Variants in DRC8 observed in about 807,000 individuals in gnomAD.
DRC8 encodes dynein regulatory complex subunit 8.
At chr1:245,035,099 G>T in the DRC8 span, among the ~76,000 whole-genome samples, 1 of 151,852 alleles carries the variant, frequency 6.6e-6, no homozygotes, top group African/African-American at 2.4e-5. Context: ...TATGTATATA[G>T]ATTGGAAGAG....
chr1:245,033,508 A>T, the DRC8 span, among the ~76,000 whole-genome samples: 1 of 152,164 alleles, frequency 6.6e-6, no homozygotes, highest in Non-Finnish European at 1.5e-5. Flanking sequence ...AGGCCCTATG[A>T]TTATCTTTCT....
chr1:245,039,464 C>T, the DRC8 span, among the ~76,000 whole-genome samples: 5 of 143,794 alleles, frequency 3.5e-5, no homozygotes, highest in Admixed American at 7.0e-5. Context: ...CAGAGTGAGA[C>T]GCTGCCTCTT....
At chr1:245,114,081 G>T in the DRC8 span, among the ~76,000 whole-genome samples, 1 of 152,230 alleles carries the variant, frequency 6.6e-6, no homozygotes, top group African/African-American at 2.4e-5. Context: ...AAAGCAGGAT[G>T]TTGTTTCTGT....
the DRC8 span, among the ~76,000 whole-genome samples, chr1:244,998,815 T>C: frequency 6.6e-6 from 1 of 152,094 alleles, no homozygotes; most frequent in Non-Finnish European, 1.5e-5. Context: ...TCTTCTGCCA[T>C]TCCCATAAAT....
the DRC8 span, among the ~76,000 whole-genome samples, chr1:245,080,265 C>T: frequency 2.6e-5 from 4 of 152,178 alleles, no homozygotes; most frequent in Non-Finnish European, 4.4e-5. Context: ...ATAGATAGCC[C>T]GACATGAAAG....
At chr1:245,046,219 CTTTT>C in the DRC8 span, among the ~76,000 whole-genome samples, 2 of 151,926 alleles carry the variant, frequency 1.3e-5, no homozygotes, top group African/African-American at 2.4e-5. Context: ...AAACTTCTTT[CTTTT>C]ATTTTCATCA....
At chr1:244,986,744 CAA>C in the DRC8 span, among the ~76,000 whole-genome samples, 84 of 76,048 alleles carry the variant, frequency 1.1e-3, 1 homozygote, top group Admixed American at 1.3e-3. Context: ...GACCCTGTCT[CAA>C]AAAAAAAAAA....
the DRC8 span, among the ~76,000 whole-genome samples, chr1:245,098,441 G>A: frequency 1.3e-5 from 2 of 152,158 alleles, no homozygotes; most frequent in East Asian, 3.9e-4. Flanking sequence ...CCCAAAGTTA[G>A]AGATAGGGAA....
At chr1:245,055,374 C>T in the DRC8 span, among the ~76,000 whole-genome samples, 1 of 152,184 alleles carries the variant, frequency 6.6e-6, no homozygotes, top group African/African-American at 2.4e-5. Context: ...GGCTGGAGTA[C>T]AATTGCAGGA....
the DRC8 span, among the ~76,000 whole-genome samples, chr1:245,121,009 T>A: frequency 6.6e-6 from 1 of 152,248 alleles, no homozygotes; most frequent in Non-Finnish European, 1.5e-5. Flanking sequence ...CTTCTACTTT[T>A]AAAATATTTA....
the DRC8 span, among the ~76,000 whole-genome samples, chr1:245,003,041 A>G: frequency 6.6e-6 from 1 of 152,174 alleles, no homozygotes; most frequent in Non-Finnish European, 1.5e-5. Flanking sequence ...GGAGTCATAC[A>G]ATAATTTGTC....
At chr1:245,032,692 TG>T in the DRC8 span, among the ~76,000 whole-genome samples, 1 of 152,116 alleles carries the variant, frequency 6.6e-6, no homozygotes, top group African/African-American at 2.4e-5. Flanking sequence ...TAATATTAGC[TG>T]GGGGTATGTA....
At chr1:245,059,590 G>A in the DRC8 span, 3 of 642,794 alleles carry the variant, frequency 4.7e-6, no homozygotes, top group African/African-American at 1.9e-5. Flanking sequence ...GGAAATATTA[G>A]GATAACTATT....
At chr1:244,981,144 A>AT in the DRC8 span, among the ~76,000 whole-genome samples, 1 of 152,024 alleles carries the variant, frequency 6.6e-6, no homozygotes, top group Non-Finnish European at 1.5e-5. Context: ...AGATCACGCC[A>AT]TTGCACTCCA....
the DRC8 span, among the ~76,000 whole-genome samples, chr1:245,084,451 T>C: frequency 2.0e-5 from 3 of 152,202 alleles, no homozygotes; most frequent in Non-Finnish European, 4.4e-5. Context: ...AATGTCCTTT[T>C]TTAATGTTAA....
At chr1:245,073,649 TTAAG>T in the DRC8 span, among the ~76,000 whole-genome samples, 1 of 151,546 alleles carries the variant, frequency 6.6e-6, no homozygotes, top group African/African-American at 2.4e-5. Context: ...GTTCACAGTG[TTAAG>T]TAAATAAAAA....
chr1:245,045,473 G>C, the DRC8 span, among the ~76,000 whole-genome samples: 1 of 152,226 alleles, frequency 6.6e-6, no homozygotes, highest in Admixed American at 6.5e-5. Flanking sequence ...GAGTGGGCCA[G>C]AGCAGCAGCT....
At chr1:245,123,634 A>G in the DRC8 span, 1 of 152,756 alleles carries the variant, frequency 6.5e-6, no homozygotes, top group Admixed American at 6.5e-5. This position sits in a 1 kb window ranked among gnomAD's most constrained non-coding sequence, Gnocchi z 5.0. Context: ...CGAAATGATG[A>G]TAGGAATTAC....
the DRC8 span, chr1:245,083,553 GA>G: frequency 2.5e-6 from 4 of 1,581,952 alleles, no homozygotes; most frequent in Non-Finnish European, 3.4e-6. Flanking sequence ...ACACATATAT[GA>G]AAAATTTATC....
Sources: gnomAD v4.1 joint callset for allele counts (sites outside exome capture counted in the v4.1 genomes callset) on GRCh38, gnomAD v4.1.1 for gene constraint, Gnocchi (gnomAD v3.1) non-coding constraint, MANE v1.5 for transcripts, NCBI Gene and HGNC (gene_info 2026-07-23, HGNC 2026-07-21) for gene names.